The following SUCLG1 variants were observed in gnomAD, a reference collection of about 807,000 sequenced individuals.
SUCLG1 encodes the protein succinate-CoA ligase GDP/ADP-forming subunit alpha.
A neutral mutation model predicts 37.3 loss-of-function variants in SUCLG1; 26 were observed. The ratio of observed to expected loss-of-function variants is 0.70; its 90% CI spans 0.51 to 0.97. SUCLG1 has a LOEUF of 0.97. Ranked by LOEUF, SUCLG1 falls within the 50% of genes least tolerant of loss-of-function variation. The pLI, the probability that SUCLG1 is intolerant of heterozygous loss-of-function variation, is 0.00. For synonymous variants in SUCLG1, 163 were observed against 155.6 expected, an observed-to-expected ratio of 1.05 and a Z score of -0.36; for missense variants, 433 against 432.9, an observed-to-expected ratio of 1.00 and a Z score of 0.00.
intron 1 of SUCLG1, among the ~76,000 whole-genome samples, chr2:84,451,912 A>T (rs1224528889): frequency 2.0e-5 from 3 of 152,188 alleles, no homozygotes; most frequent in African/African-American, 7.2e-5. Flanking sequence ...AAATCCAAGA[A>T]ATGTATTCAA....
rs200676260 is a variant in SUCLG1 at position 84,434,641 on chromosome 2, T to A, written c.590-1206A>T. On this transcript the variant is annotated intron_variant, in intron 5 of 8. Coordinates refer to ENST00000393868, the MANE Select transcript of SUCLG1 (RefSeq NM_003849.4). The stretch of plus-strand genomic sequence containing the variant: ...GGTTTACTTTCCTTAAACTCCTGCC[T>A]TGGAGCAACTCTGAAGAACTCAGAA... 2.6e-5 allele frequency among the ~76,000 whole-genome samples: 4 copies of A among 152,330 alleles called. No individual in the cohort carries two copies. In the East Asian group the frequency reaches 7.7e-4, roughly 29 times the overall value.
Position 84,459,213 on chromosome 2 carries a change from G to T in SUCLG1, c.57C>A (p.Ser19Arg), listed in dbSNP as rs1327448256. 1 of 1,550,202 alleles carries T rather than the reference G, an allele frequency of 6.5e-7. No homozygotes were observed. The highest frequency in any genetic ancestry group is 1.4e-5 in the African/African-American group (1 of 73,170). Residue 19 changes from serine (S) to arginine (R), a missense_variant, in exon 1 of 9, where the codon AGC (serine) becomes AGA (arginine). Physicochemically the swap from Ser to Arg is moderately radical, Grantham distance 110. Coordinates refer to ENST00000393868, the MANE Select transcript of SUCLG1 (RefSeq NM_003849.4). The stretch of plus-strand genomic sequence containing the variant: ...ACAGGAGACGGGCGGCGGCGAGGCC[G>T]CTGCTGCCGGAGACCATGGTAGCGA... The part of the protein sequence containing the change: ...ADIATMVSGS[S>R]GLAAARLLSR...
intron 1 of SUCLG1, among the ~76,000 whole-genome samples, chr2:84,456,861 A>G (rs562716397): frequency 7.6e-4 from 116 of 152,120 alleles, no homozygotes; most frequent in African/African-American, 2.7e-3. Flanking sequence ...ACGGGGTTTC[A>G]CCATCTTGGC....
chr2:84,444,007 G>A (rs1028407902), intron 2 of SUCLG1, among the ~76,000 whole-genome samples: 2 of 152,058 alleles, frequency 1.3e-5, no homozygotes, highest in African/African-American at 4.8e-5. Context: ...CTTATGAGAG[G>A]TCATCCAGTG....
At chr2:84,437,028 C>T (rs1353271521) in intron 5 of SUCLG1, among the ~76,000 whole-genome samples, 2 of 152,186 alleles carry the variant, frequency 1.3e-5, no homozygotes. Context: ...CAAATGACAA[C>T]CACCACAACT....
chr2:84,425,426 T>C lies in SUCLG1; in HGVS notation c.1003A>G (p.Thr335Ala), dbSNP rs1672519334. The change falls in exon 8 of 9, where the codon ACG (threonine) becomes GCG (alanine). Residue 335 changes from threonine (T) to alanine (A), a missense_variant. Physicochemically the swap from Thr to Ala is moderately conservative, Grantham distance 58. Coordinates refer to ENST00000393868, the MANE Select transcript of SUCLG1 (RefSeq NM_003849.4). ...VSMSPAQLGT[T>A]IYKEFEKRKM... is the part of the protein sequence containing the mutation. ...CTGTTGGAGCTCACCTTGTAGATCG[T>C]GGTTCCCAGCTGTGCAGGAGACATA... is the stretch of plus-strand genomic sequence containing the variant. The C allele has an allele frequency of 1.2e-6, 2 of 1,613,986 alleles. No individual in the cohort carries two copies. Among genetic ancestry groups the C allele is most frequent in the Non-Finnish European group, 1.7e-6 (2 of 1,180,024 alleles).
rs2104245302 is a variant in SUCLG1, at chr2:84,433,469, T to C, written c.590-34A>G. 3.8e-6 allele frequency: 6 copies of C among 1,577,306 alleles called. No homozygotes were observed. The East Asian group carries it at 9.0e-5, about 24-fold the overall frequency. On this transcript the variant is annotated intron_variant, in intron 5 of 8. Coordinates refer to ENST00000393868, the MANE Select transcript of SUCLG1 (RefSeq NM_003849.4). ...AAGAGAATTCAAAAATATTAGATTG[T>C]GTTTCTATGTTAGACTAAAACATGG...
rs576278153 is a variant in SUCLG1, at chr2:84,446,437, C to G, written c.202-3037G>C. On this transcript the variant is annotated intron_variant, in intron 2 of 8. Transcript: ENST00000393868. ...ATTTCAAGGACCTTCAAAATGTGGT[C>G]CCAACTATTCACGTTCTGTTAAAGG... Among the ~76,000 whole-genome samples, 7 of 152,252 alleles carry G rather than the reference C, an allele frequency of 4.6e-5. No individual in the cohort carries two copies. In the East Asian group the frequency reaches 1.4e-3, roughly 29 times the overall value.
chr2:84,434,584 GACAA>G (rs886343321), intron 5 of SUCLG1, among the ~76,000 whole-genome samples: 1 of 152,116 alleles, frequency 6.6e-6, no homozygotes, highest in Non-Finnish European at 1.5e-5. Flanking sequence ...TAATACTTTA[GACAA>G]ACAAAAAAAT....
chr2:84,444,628 C>A (rs1672822201), intron 2 of SUCLG1, among the ~76,000 whole-genome samples: 1 of 152,160 alleles, frequency 6.6e-6, no homozygotes, highest in African/African-American at 2.4e-5. Context: ...GCTTTGAGAG[C>A]AGACAACCGG....
At chr2:84,438,735 A>G (rs527465194) in intron 5 of SUCLG1, among the ~76,000 whole-genome samples, 1 of 152,280 alleles carries the variant, frequency 6.6e-6, no homozygotes, top group East Asian at 1.9e-4. Context: ...ACTTGGAGAA[A>G]TTTTCTGTCT....
intron 5 of SUCLG1, among the ~76,000 whole-genome samples, chr2:84,438,864 A>G (rs1672728453): frequency 6.6e-6 from 1 of 152,218 alleles, no homozygotes; most frequent in African/African-American, 2.4e-5. Context: ...TGCTCTATAA[A>G]AACCCACCAA....
chr2:84,426,858 CCAG>C lies in SUCLG1; in HGVS notation c.826-1258_826-1256del, dbSNP rs751911424. The C allele has an allele frequency of 1.3e-4, 20 of 152,286 alleles. No homozygotes were observed. The East Asian group carries it at 3.9e-3, about 29-fold the overall frequency. 9.4% of individuals were successfully genotyped at this position (152,286 alleles called of 1,614,324 possible). ...TTAGGTACCATCATCTTCCCCTAGA[CCAG>C]CAGTTCTCAGATCATTTGGTCTAGG... On this transcript the variant is annotated intron_variant, in intron 7 of 8. Transcript: ENST00000393868.
At chr2:84,448,570 T>A (rs1672886412) in intron 2 of SUCLG1, among the ~76,000 whole-genome samples, 1 of 151,484 alleles carries the variant, frequency 6.6e-6, no homozygotes, top group Admixed American at 6.6e-5. Context: ...TTGCCATATC[T>A]CCTTTAATAA....
intron 3 of SUCLG1, among the ~76,000 whole-genome samples, chr2:84,442,793 C>T (rs1672794674): frequency 6.6e-6 from 1 of 152,186 alleles, no homozygotes. Context: ...CTACTCCAAG[C>T]CATCCTAAGC....
chr2:84,425,700 G>T, intron 7 of SUCLG1, 97 bp from the exon 8 acceptor site: 1 of 1,388,032 alleles, frequency 7.2e-7, no homozygotes, highest in Non-Finnish European at 1.0e-6. Flanking sequence ...AAATGGCTTG[G>T]GCAGGGGAAA....
In SUCLG1 at chr2:84,459,259, G is replaced by T. The variant is rs766814700; in HGVS notation, c.11C>A (p.Thr4Asn). 1.3e-6 allele frequency: 2 copies of T among 1,550,634 alleles called. No individual in the cohort carries two copies. The highest frequency in any genetic ancestry group is 1.4e-5 in the African/African-American group (1 of 73,134). Reference protein sequence around the residue: MTATLAAAADIATM... With the variant: MTANLAAAADIATM... ...AGCGATGTCAGCGGCAGCGGCAAGGGTTGCGGTCATACGCCAATGACACTC... is the reference window on the plus strand; with the variant it reads ...AGCGATGTCAGCGGCAGCGGCAAGGTTTGCGGTCATACGCCAATGACACTC... The change falls in exon 1 of 9, where the codon ACC becomes AAC. Residue 4 changes from threonine (T) to asparagine (N), a missense_variant. Thr to Asn is a moderately conservative substitution (Grantham distance 65). Coordinates refer to ENST00000393868, the MANE Select transcript of SUCLG1 (RefSeq NM_003849.4).
chr2:84,455,558 A>G (rs1673006671), intron 1 of SUCLG1, among the ~76,000 whole-genome samples: 1 of 151,920 alleles, frequency 6.6e-6, no homozygotes, highest in Non-Finnish European at 1.5e-5. Context: ...AATGTAAAAA[A>G]ATGTGGGTCT....
intron 1 of SUCLG1, 65 bp downstream of exon 1, chr2:84,459,108 G>C (rs1673102575): frequency 6.7e-7 from 1 of 1,488,304 alleles, no homozygotes; most frequent in Non-Finnish European, 9.1e-7. Context: ...GCCTGGGCCA[G>C]GAGGTTGGGT....
Sources: gnomAD v4.1 joint callset for allele counts (sites outside exome capture counted in the v4.1 genomes callset) on GRCh38, gnomAD v4.1.1 for gene constraint, MANE v1.5 for transcripts, NCBI Gene and HGNC (gene_info 2026-07-23, HGNC 2026-07-21) for gene names.